The following MEPE variants were observed in gnomAD, a reference collection of about 807,000 sequenced individuals.
MEPE encodes matrix extracellular phosphoglycoprotein.
Under a neutral mutation model 7.3 loss-of-function variants are expected in MEPE, and 7 were observed. That is an observed-to-expected ratio of 0.95 (90% confidence interval 0.54 to 1.79). The LOEUF is 1.79. Ranked by LOEUF, MEPE falls within the 40% of genes most tolerant of loss-of-function variation. MEPE has a pLI of 0.00. For synonymous variants in MEPE, 214 were observed against 213.1 expected (o/e 1.00, Z -0.04); for missense variants, 623 against 628.2 (o/e 0.99, Z 0.09).
At chr4:87,822,928 GGT>G (rs1722371622) in intron 1 of MEPE, among the ~76,000 whole-genome samples, 1 of 152,152 alleles carries the variant, frequency 6.6e-6, no homozygotes, top group Admixed American at 6.5e-5. Flanking sequence ...AGTCAATTCT[GGT>G]CCCATATGTA....
intron 1 of MEPE, among the ~76,000 whole-genome samples, chr4:87,826,121 A>G (rs867322812): frequency 1.3e-5 from 2 of 152,010 alleles, no homozygotes; most frequent in Non-Finnish European, 2.9e-5. Flanking sequence ...TTTATCCAGT[A>G]TATCATTGAT....
intron 1 of MEPE, among the ~76,000 whole-genome samples, chr4:87,825,958 T>C (rs1047747491): frequency 6.6e-6 from 1 of 152,166 alleles, no homozygotes; most frequent in South Asian, 2.1e-4. Flanking sequence ...TGTTCCTGCA[T>C]TGGTTTGCTG....
chr4:87,831,348 A>AT (rs1423315749), upstream of MEPE, among the ~76,000 whole-genome samples: 1 of 152,044 alleles, frequency 6.6e-6, no homozygotes, highest in Non-Finnish European at 1.5e-5. Context: ...TTTCTTCTGC[A>AT]TTTTTTCCAA....
chr4:87,822,625 G>C (rs565039570), intron 1 of MEPE, among the ~76,000 whole-genome samples: 1 of 152,224 alleles, frequency 6.6e-6, no homozygotes, highest in Non-Finnish European at 1.5e-5. Flanking sequence ...AGAGAGGCCA[G>C]ATGACAGATG....
chr4:87,823,811 G>A (rs78577063), intron 1 of MEPE, among the ~76,000 whole-genome samples: 1 of 151,802 alleles, frequency 6.6e-6, no homozygotes, highest in East Asian at 1.9e-4. Context: ...TGAATCTCGG[G>A]TTAAAAAAAA....
chr4:87,844,505 A>AGAAAGAAAG (rs57700790), intron 3 of MEPE, among the ~76,000 whole-genome samples: 3,794 of 152,238 alleles, frequency 0.025, 172 homozygotes, highest in African/African-American at 0.086. Context: ...AAAAGAAGCA[A>AGAAAGAAAG]GAAAGAAAGG....
Position 87,839,686 on chromosome 4 carries a change from T to C in MEPE, c.108+1001T>C, listed in dbSNP as rs908206569. The C allele has an allele frequency of 9.7e-6, 15 of 1,548,164 alleles. No homozygotes were observed. The East Asian group carries it at 3.2e-4, about 33-fold the overall frequency. Reference sequence around the variant, plus strand: ...CAATATAATGTTGTGTTTTTGTAGATAACATACAAGGGTCACTATGAGAAA... The same window carrying C: ...CAATATAATGTTGTGTTTTTGTAGACAACATACAAGGGTCACTATGAGAAA... On this transcript the variant is annotated intron_variant, in intron 3 of 3. Coordinates refer to ENST00000361056, the MANE Select transcript of MEPE (RefSeq NM_020203.6).
intron 2 of MEPE, among the ~76,000 whole-genome samples, chr4:87,836,023 C>T (rs1305910790): frequency 1.3e-5 from 2 of 151,878 alleles, no homozygotes; most frequent in African/African-American, 4.8e-5. Flanking sequence ...AAGACATCTG[C>T]TTGGGGGTAT....
At position 87,845,356 on chromosome 4, in the gene MEPE, T is replaced by C. The variant is rs1390275083; in HGVS notation, c.488T>C (p.Leu163Pro). The C allele has an allele frequency of 6.2e-7, 1 of 1,613,900 alleles. No individual in the cohort carries two copies. The change falls in exon 4 of 4, where the codon CTC becomes CCC. Residue 163 changes from leucine (L) to proline (P), a missense_variant. Coordinates refer to ENST00000361056, the MANE Select transcript of MEPE (RefSeq NM_020203.6). ...ATGGGGCCAGTGACTGCGATTAAAC[T>C]CCTGGGGGAAGAAAACAAAGAGAAC... ...HIMGPVTAIKLLGEENKENTP... is the reference protein window; with the variant it reads ...HIMGPVTAIKPLGEENKENTP...
At chr4:87,826,224 C>CTTT (rs35526382) in intron 1 of MEPE, among the ~76,000 whole-genome samples, 1 of 144,202 alleles carries the variant, frequency 6.9e-6, no homozygotes, top group African/African-American at 2.6e-5. Context: ...TCTTTATATT[C>CTTT]TTTTTTTTTT....
intron 2 of MEPE, among the ~76,000 whole-genome samples, chr4:87,835,286 A>G (rs986162946): frequency 2.6e-5 from 4 of 152,210 alleles, no homozygotes; most frequent in African/African-American, 9.6e-5. Context: ...GGTGGGACGT[A>G]GTACCTCCAA....
chr4:87,838,112 C>T (rs1297162886), intron 2 of MEPE, among the ~76,000 whole-genome samples: 1 of 152,136 alleles, frequency 6.6e-6, no homozygotes, highest in Non-Finnish European at 1.5e-5. Context: ...TGCGATCCTA[C>T]CATTCACATG....
chr4:87,824,621 C>A (rs1416922034), intron 1 of MEPE, among the ~76,000 whole-genome samples: 1 of 152,242 alleles, frequency 6.6e-6, no homozygotes, highest in South Asian at 2.1e-4. Flanking sequence ...CACTGATCCC[C>A]TTTTAGATGA....
At chr4:87,843,183 A>T (rs1723081270) in intron 3 of MEPE, among the ~76,000 whole-genome samples, 1 of 152,156 alleles carries the variant, frequency 6.6e-6, no homozygotes, top group Non-Finnish European at 1.5e-5. Flanking sequence ...ATACTGCAAA[A>T]GCCTCCTACA....
chr4:87,835,229 T>C (rs1015197983), intron 2 of MEPE, among the ~76,000 whole-genome samples: 2 of 152,172 alleles, frequency 1.3e-5, no homozygotes, highest in African/African-American at 4.8e-5. Context: ...AACACCCCAA[T>C]ACTGTGGGAT....
chr4:87,837,139 A>G (rs1453223119), intron 2 of MEPE, among the ~76,000 whole-genome samples: 1 of 152,152 alleles, frequency 6.6e-6, no homozygotes, highest in African/African-American at 2.4e-5. Context: ...GCTATAAAGT[A>G]TAAGGAAGAA....
intron 2 of MEPE, among the ~76,000 whole-genome samples, chr4:87,838,067 G>A (rs573328974): frequency 6.6e-6 from 1 of 152,240 alleles, no homozygotes; most frequent in African/African-American, 2.4e-5. Flanking sequence ...TTCTCAGAAT[G>A]TAACATCTGG....
At chr4:87,831,098 G>C, upstream of MEPE, among the ~76,000 whole-genome samples, 1 of 152,046 alleles carries the variant, frequency 6.6e-6, no homozygotes, top group Middle Eastern at 3.4e-3. Flanking sequence ...TTAATATATA[G>C]TCATAATGTC....
intron 3 of MEPE, among the ~76,000 whole-genome samples, chr4:87,841,851 C>G (rs972924478): frequency 3.9e-5 from 6 of 152,158 alleles, no homozygotes; most frequent in African/African-American, 1.4e-4. Flanking sequence ...CCTCTACAAC[C>G]AATATTAGAG....
Sources: allele counts gnomAD v4.1 joint callset (sites outside exome capture counted in the v4.1 genomes callset), GRCh38; gene constraint gnomAD v4.1.1; transcripts MANE v1.5; gene names NCBI Gene and HGNC (gene_info 2026-07-23, HGNC 2026-07-21).